GSG1L: variants seen among roughly 807,000 people sequenced by gnomAD.
The protein encoded by GSG1L is GSG1 like.
A neutral mutation model predicts 42.1 loss-of-function variants in GSG1L; 24 were observed. The ratio of observed to expected loss-of-function variants is 0.57; its 90% CI spans 0.41 to 0.80. The LOEUF (loss-of-function observed/expected upper bound fraction) is 0.80. GSG1L is among the 30% of genes least tolerant of loss of function. The pLI is 0.00. For missense variants in GSG1L, 445 were observed against 472.2 expected (o/e 0.94, Z 0.53); for synonymous variants, 215 against 203.5 (o/e 1.06, Z -0.48).
chr16:27,918,859 T>G (rs2052544), intron 2 of GSG1L, among the ~76,000 whole-genome samples: 133,882 of 151,890 alleles, frequency 0.88, 59,255 homozygotes, highest in Admixed American at 0.93. Flanking sequence ...ACCATGAAAT[T>G]CTATGGGAGA....
intron 1 of GSG1L, among the ~76,000 whole-genome samples, chr16:28,026,157 C>T (rs1281234465): frequency 6.6e-6 from 1 of 152,184 alleles, no homozygotes. Flanking sequence ...ACCTGCTCAC[C>T]CATGTCTCTC....
chr16:28,060,800 C>T (rs2086331629), intron 1 of GSG1L, among the ~76,000 whole-genome samples: 1 of 152,222 alleles, frequency 6.6e-6, no homozygotes, highest in Non-Finnish European at 1.5e-5. Context: ...TGAGAAGTTT[C>T]AGCAGGACCT....
chr16:27,899,376 G>A (rs1018214608), intron 2 of GSG1L, among the ~76,000 whole-genome samples: 2 of 152,060 alleles, frequency 1.3e-5, no homozygotes, highest in African/African-American at 2.4e-5. Flanking sequence ...TCTGAGCCTC[G>A]ATTTCCTCAC....
chr16:27,905,379 C>T (rs2084309186), intron 2 of GSG1L, among the ~76,000 whole-genome samples: 1 of 149,044 alleles, frequency 6.7e-6, no homozygotes. Flanking sequence ...GGCTGGACTG[C>T]AGCAGTGCAA....
In GSG1L at chr16:27,869,319, T is replaced by C. The variant is rs377168868; in HGVS notation, c.550+15167A>G. Reference sequence around the variant, plus strand: ...GTCAGTGGCCTTCCCTCTCATAGGATTAACACTTTGATGATGGGCTGGTAT... The same window carrying C: ...GTCAGTGGCCTTCCCTCTCATAGGACTAACACTTTGATGATGGGCTGGTAT... On this transcript the variant is annotated intron_variant, in intron 3 of 6. Coordinates refer to ENST00000447459, the MANE Select transcript of GSG1L (RefSeq NM_001109763.2). 7.3e-5 allele frequency among the ~76,000 whole-genome samples: 11 copies of C among 151,674 alleles called. No homozygotes were observed. The East Asian group carries it at 1.9e-3, about 27-fold the overall frequency.
intron 1 of GSG1L, among the ~76,000 whole-genome samples, chr16:28,008,441 T>G (rs992061111): frequency 2.6e-5 from 4 of 152,150 alleles, no homozygotes; most frequent in Non-Finnish European, 5.9e-5. Context: ...CCTTGTGCCA[T>G]CCCTCCTGAA....
chr16:27,903,754 G>A (rs1447433840), intron 2 of GSG1L, among the ~76,000 whole-genome samples: 2 of 152,046 alleles, frequency 1.3e-5, no homozygotes, highest in African/African-American at 4.8e-5. Context: ...CAGTATCCTG[G>A]CACCCAGATT....
intron 2 of GSG1L, among the ~76,000 whole-genome samples, chr16:27,903,214 G>A (rs930420179): frequency 1.3e-5 from 2 of 152,112 alleles, no homozygotes; most frequent in Non-Finnish European, 2.9e-5. Flanking sequence ...CTAGGAGCCC[G>A]CAGAAGAGGC....
intron 5 of GSG1L, among the ~76,000 whole-genome samples, chr16:27,816,494 T>A (rs1376387882): frequency 6.6e-6 from 1 of 152,156 alleles, no homozygotes; most frequent in African/African-American, 2.4e-5. Flanking sequence ...AAGGCACCTG[T>A]TCAGACGTGA....
At chr16:27,952,574 TCA>T (rs1460044585) in intron 2 of GSG1L, among the ~76,000 whole-genome samples, 2 of 152,086 alleles carry the variant, frequency 1.3e-5, no homozygotes, top group African/African-American at 4.8e-5. Flanking sequence ...AGCACAGGAT[TCA>T]CATAAGGGAC....
intron 1 of GSG1L, 95 bp from the exon 2 acceptor site, chr16:27,963,298 G>A: frequency 9.4e-7 from 1 of 1,059,538 alleles, no homozygotes; most frequent in Non-Finnish European, 1.5e-6. Context: ...GAGCAAGCCA[G>A]TGTCTCTGAC....
intron 2 of GSG1L, among the ~76,000 whole-genome samples, chr16:27,946,506 T>C: frequency 6.8e-6 from 1 of 146,862 alleles, no homozygotes; most frequent in African/African-American, 2.5e-5. Context: ...AACTGTGCCA[T>C]TGCACTCCAG....
intron 2 of GSG1L, among the ~76,000 whole-genome samples, chr16:27,890,104 G>A (rs923095120): frequency 6.6e-6 from 1 of 152,188 alleles, no homozygotes; most frequent in South Asian, 2.1e-4. Flanking sequence ...CCCTCTGTTA[G>A]CAGGTTGTTG....
intron 5 of GSG1L, among the ~76,000 whole-genome samples, chr16:27,814,688 GAAAAAAAAA>G (rs750992732): frequency 2.1e-5 from 2 of 94,330 alleles, no homozygotes; most frequent in Non-Finnish European, 4.2e-5. Flanking sequence ...CCGTCTCAAG[GAAAAAAAAA>G]AAAAAAAAAA....
chr16:27,881,811 C>T (rs1216408704), intron 3 of GSG1L, among the ~76,000 whole-genome samples: 2 of 152,188 alleles, frequency 1.3e-5, no homozygotes, highest in African/African-American at 4.8e-5. Context: ...CCCACTCCCA[C>T]CCGCCTCTCC....
Position 27,966,569 on chromosome 16 carries a change from T to C in GSG1L, c.350-3366A>G, listed in dbSNP as rs371958291. Among the ~76,000 whole-genome samples, 3 of 152,070 alleles carry C rather than the reference T, an allele frequency of 2.0e-5. No homozygotes were observed. In the East Asian group the frequency reaches 5.8e-4, roughly 29 times the overall value. On this transcript the variant is annotated intron_variant, in intron 1 of 6. Coordinates refer to ENST00000447459, the MANE Select transcript of GSG1L (RefSeq NM_001109763.2). ...GAGAATGAATACACGAGCAAATGAA[T>C]GAATAAATGAATGAATGCCACTGAA...
chr16:27,799,588 C>A (rs1255585699), intron 6 of GSG1L, among the ~76,000 whole-genome samples: 1 of 151,818 alleles, frequency 6.6e-6, no homozygotes, highest in Non-Finnish European at 1.5e-5. Flanking sequence ...AACAAGTGAG[C>A]AAAGAAGGGC....
chr16:27,922,703 C>G (rs867443534), intron 2 of GSG1L, among the ~76,000 whole-genome samples: 3 of 152,232 alleles, frequency 2.0e-5, no homozygotes, highest in Non-Finnish European at 2.9e-5. Flanking sequence ...TACACAGCAG[C>G]CTTCTTTCCA....
intron 6 of GSG1L, among the ~76,000 whole-genome samples, chr16:27,796,567 C>A (rs2082819980): frequency 1.3e-5 from 2 of 152,224 alleles, no homozygotes; most frequent in South Asian, 4.1e-4. Context: ...GCGTTGAAAG[C>A]ACGTGTCTGC....
Sources: allele counts gnomAD v4.1 joint callset (sites outside exome capture counted in the v4.1 genomes callset), GRCh38; gene constraint gnomAD v4.1.1; transcripts MANE v1.5; gene names NCBI Gene and HGNC (gene_info 2026-07-23, HGNC 2026-07-21).